HMGCLL1: variants seen among roughly 807,000 people sequenced by gnomAD.
The protein encoded by HMGCLL1 is 3-hydroxymethyl-3-methylglutaryl-CoA lyase, cytoplasmic.
A neutral mutation model predicts 39.1 loss-of-function variants in HMGCLL1; 36 were observed. The ratio of observed to expected loss-of-function variants is 0.92; its 90% CI spans 0.71 to 1.22. The LOEUF (loss-of-function observed/expected upper bound fraction) is 1.22, where lower values mean the gene tolerates loss of function less well. Ranked by LOEUF, HMGCLL1 falls within the 50% of genes most tolerant of loss-of-function variation. The probability of loss-of-function intolerance (pLI) is 0.00; values close to 1 mark genes in which losing one functional copy is unlikely to be tolerated. For missense variants in HMGCLL1, 451 were observed against 416.5 expected (o/e 1.08, Z -0.72); for synonymous variants, 149 against 144.0 (o/e 1.03, Z -0.25).
At chr6:55,533,711 C>A (rs1271917833) in intron 3 of HMGCLL1, among the ~76,000 whole-genome samples, 1 of 150,174 alleles carries the variant, frequency 6.7e-6, no homozygotes, top group Non-Finnish European at 1.5e-5. Flanking sequence ...ACGGTGAAAC[C>A]CCGTCTCTAC....
chr6:55,600,479 C>G, the HMGCLL1 span, among the ~76,000 whole-genome samples: 7 of 152,124 alleles, frequency 4.6e-5, no homozygotes, highest in African/African-American at 1.7e-4. Flanking sequence ...AATTTAATTA[C>G]ATTTGATTTT....
At chr6:55,534,966 T>C (rs1768929084) in intron 3 of HMGCLL1, among the ~76,000 whole-genome samples, 1 of 152,256 alleles carries the variant, frequency 6.6e-6, no homozygotes, top group Non-Finnish European at 1.5e-5. Flanking sequence ...ATGTGGAGTC[T>C]ATGGTTCATG....
At chr6:55,469,222 T>C (rs538708280) in intron 7 of HMGCLL1, among the ~76,000 whole-genome samples, 14 of 150,856 alleles carry the variant, frequency 9.3e-5, no homozygotes, top group South Asian at 4.2e-4. Context: ...GCTTCTATAA[T>C]TTGTTGATCT....
chr6:55,662,135 A>G, the HMGCLL1 span, among the ~76,000 whole-genome samples: 1 of 151,816 alleles, frequency 6.6e-6, no homozygotes, highest in African/African-American at 2.4e-5. Flanking sequence ...GTCTCCAAAC[A>G]GGGATAGTTT....
chr6:55,660,581 T>C, the HMGCLL1 span, among the ~76,000 whole-genome samples: 4 of 152,106 alleles, frequency 2.6e-5, no homozygotes, highest in Middle Eastern at 3.4e-3. Context: ...TATTCCATAG[T>C]GTATATGTAC....
chr6:55,634,364 A>T, the HMGCLL1 span, among the ~76,000 whole-genome samples: 1 of 151,060 alleles, frequency 6.6e-6, no homozygotes, highest in Non-Finnish European at 1.5e-5. Context: ...CTGAAAAAGC[A>T]TGCACACTAT....
At chr6:55,609,479 G>A in the HMGCLL1 span, among the ~76,000 whole-genome samples, 1 of 152,110 alleles carries the variant, frequency 6.6e-6, no homozygotes, top group Non-Finnish European at 1.5e-5. Context: ...TGGGAAGCAG[G>A]AACTCCAACA....
At chr6:55,654,432 T>C in the HMGCLL1 span, among the ~76,000 whole-genome samples, 3 of 151,832 alleles carry the variant, frequency 2.0e-5, no homozygotes, top group East Asian at 1.9e-4. Context: ...ATGAAGAACA[T>C]TATATTTTGC....
rs752799058 is a variant in HMGCLL1, at chr6:55,514,078, G to A, written c.512C>T (p.Ser171Phe). The A allele has an allele frequency of 6.2e-7, 1 of 1,613,072 alleles. No homozygotes were observed. The highest frequency in any genetic ancestry group is 8.5e-7 in the Non-Finnish European group (1 of 1,179,526). ...TGCTGGAATATTCATGTGTCTTGCA[G>A]ACTTAACAACCTCCTCAAATTTTCC... ...SMGKFEEVVK[S>F]ARHMNIPARG... The change falls in exon 5 of 9, where the codon TCT becomes TTT. Residue 171 changes from serine to phenylalanine, a missense_variant. By Grantham distance (155) the Ser-to-Phe change is radical. Transcript: ENST00000274901.
At chr6:55,463,661 C>T (rs1377349641) in intron 7 of HMGCLL1, among the ~76,000 whole-genome samples, 1 of 152,128 alleles carries the variant, frequency 6.6e-6, no homozygotes, top group Non-Finnish European at 1.5e-5. Flanking sequence ...AACTAAATGT[C>T]TACTTTCCTC....
chr6:55,532,310 T>C (rs1014506503), intron 3 of HMGCLL1, among the ~76,000 whole-genome samples: 3 of 152,058 alleles, frequency 2.0e-5, no homozygotes, highest in African/African-American at 7.2e-5. Flanking sequence ...TGCTTGAAAA[T>C]ATGAGCATAT....
chr6:55,608,944 T>C, the HMGCLL1 span, among the ~76,000 whole-genome samples: 2 of 152,170 alleles, frequency 1.3e-5, no homozygotes, highest in Non-Finnish European at 2.9e-5. Flanking sequence ...AAGAGCAAGG[T>C]GGTGCGTGAG....
At chr6:55,609,720 C>T in the HMGCLL1 span, among the ~76,000 whole-genome samples, 17 of 152,178 alleles carry the variant, frequency 1.1e-4, no homozygotes, top group Non-Finnish European at 2.2e-4. Context: ...TGCTCTCCAA[C>T]TGCATGAGAA....
intron 1 of HMGCLL1, among the ~76,000 whole-genome samples, chr6:55,548,633 A>G (rs1240930625): frequency 6.6e-6 from 1 of 151,996 alleles, no homozygotes; most frequent in Non-Finnish European, 1.5e-5. Flanking sequence ...CATTTTTTTA[A>G]AAGTAGCTTC....
intron 5 of HMGCLL1, 52 bp downstream of exon 5, chr6:55,513,996 A>G (rs1346823787): frequency 2.0e-6 from 3 of 1,501,720 alleles, no homozygotes; most frequent in Admixed American, 2.0e-5. Context: ...TTTTTGAGTA[A>G]GCTTTAACAA....
intron 1 of HMGCLL1, among the ~76,000 whole-genome samples, chr6:55,576,121 G>A (rs1771749475): frequency 1.3e-5 from 2 of 152,274 alleles, no homozygotes; most frequent in South Asian, 4.1e-4. Flanking sequence ...AAGTAATCAT[G>A]AAAATAAATA....
chr6:55,624,102 C>A, the HMGCLL1 span, among the ~76,000 whole-genome samples: 5 of 152,134 alleles, frequency 3.3e-5, no homozygotes, highest in East Asian at 3.8e-4. Context: ...CATGCTTACC[C>A]ATGCCTCTAC....
At chr6:55,436,333 C>T (rs1763372155) in intron 8 of HMGCLL1, among the ~76,000 whole-genome samples, 1 of 151,972 alleles carries the variant, frequency 6.6e-6, no homozygotes. Flanking sequence ...ATTTAGTACA[C>T]ATCTGGAACT....
rs1488198834 is a variant in HMGCLL1, at chr6:55,579,113, G to T, written c.-58C>A. ...GGGAGACTGGAGGAGGATGAGGGGC[G>T]GGCACCGCGCTGGGAAACTGCGCCA... On this transcript the variant is annotated 5_prime_UTR_variant, in exon 1 of 9. Transcript: ENST00000274901. The T allele has an allele frequency of 3.8e-6, 5 of 1,331,914 alleles. No homozygotes were observed. In the East Asian group the frequency reaches 7.4e-5, roughly 20 times the overall value. The allele number at this position is 1,331,914 out of a possible 1,614,324, so 82.5% of individuals were successfully genotyped here. A position where few individuals can be genotyped will look rare whatever the true frequency, so the allele number is the denominator to read the frequency against.
Sources: allele counts gnomAD v4.1 joint callset (sites outside exome capture counted in the v4.1 genomes callset), GRCh38; gene constraint gnomAD v4.1.1; transcripts MANE v1.5; gene names NCBI Gene and HGNC (gene_info 2026-07-23, HGNC 2026-07-21).